Variants in ST18 observed in about 807,000 individuals in gnomAD.
ST18 encodes the protein suppression of tumorigenicity 18 protein.
In ST18, 50 loss-of-function variants were observed where a neutral mutation model predicts 110.0. The observed-to-expected ratio is 0.45, with a 90% CI of 0.36 to 0.58. The LOEUF is 0.58. Among genes scored for constraint, ST18 ranks in the 20% least tolerant of loss-of-function variants. The probability of loss-of-function intolerance (pLI) is 0.00; values close to 1 mark genes in which losing one functional copy is unlikely to be tolerated. For synonymous variants in ST18, 461 were observed against 452.4 expected, an observed-to-expected ratio of 1.02 and a Z score of -0.24; for missense variants, 1,306 against 1,280.1, an observed-to-expected ratio of 1.02 and a Z score of -0.31.
At chr8:52,124,827 C>A (rs1202425394) in intron 23 of ST18, among the ~76,000 whole-genome samples, 1 of 151,100 alleles carries the variant, frequency 6.6e-6, no homozygotes, top group Admixed American at 6.6e-5. Context: ...GCTTTAAATA[C>A]AGCAGATGAA....
Position 52,249,389 on chromosome 8 carries a change from C to G in ST18, c.-464-19312G>C, listed in dbSNP as rs570136969. On this transcript the variant is annotated intron_variant, in intron 2 of 25. Transcript: ENST00000689386. ...CTCCTAGCCTTTGTTCTGCCTCTCA[C>G]GCTGACATCAGGGAAGCAGTGATGT... 3.3e-5 allele frequency: 5 copies of G among 152,590 alleles called. No homozygotes were observed. The East Asian group carries it at 9.7e-4, about 29-fold the overall frequency. The allele number at this position is 152,590 out of a possible 1,614,324, so 9.5% of individuals were successfully genotyped here.
intron 13 of ST18, among the ~76,000 whole-genome samples, chr8:52,163,218 TTCA>T (rs528488956): frequency 1.2e-4 from 18 of 152,314 alleles, no homozygotes; most frequent in African/African-American, 4.3e-4. Context: ...ATTTTGACTC[TTCA>T]TCAAATCTAT....
At chr8:52,121,751 G>A (rs993827825) in intron 23 of ST18, among the ~76,000 whole-genome samples, 1 of 152,170 alleles carries the variant, frequency 6.6e-6, no homozygotes, top group Non-Finnish European at 1.5e-5. Flanking sequence ...AGTAAAAGGT[G>A]TGCCCTGATG....
intron 25 of ST18, among the ~76,000 whole-genome samples, chr8:52,115,484 G>C (rs2042198651): frequency 6.6e-6 from 1 of 152,208 alleles, no homozygotes; most frequent in Non-Finnish European, 1.5e-5. Flanking sequence ...TTATGGTTTA[G>C]ATATGTTTTT....
At chr8:52,368,195 T>C (rs10098576) in intron 2 of ST18, among the ~76,000 whole-genome samples, 119,568 of 152,104 alleles carry the variant, frequency 0.79, 50,367 homozygotes, top group Non-Finnish European at 0.93. Context: ...TCATTAAGCA[T>C]CCCTAACACC....
At chr8:52,389,348 G>T (rs1292380617) in intron 2 of ST18, among the ~76,000 whole-genome samples, 1 of 152,194 alleles carries the variant, frequency 6.6e-6, no homozygotes, top group East Asian at 1.9e-4. Context: ...TGTTTCCCTG[G>T]ACAAGGGATG....
chr8:52,223,139 C>T (rs962781902), intron 3 of ST18, among the ~76,000 whole-genome samples: 7 of 152,168 alleles, frequency 4.6e-5, no homozygotes, highest in African/African-American at 1.7e-4. Context: ...TAATTAGGGA[C>T]TCTCAGTCCT....
chr8:52,158,972 T>C lies in ST18; in HGVS notation c.1732A>G (p.Ile578Val), dbSNP rs764339052. Reference sequence around the variant, plus strand: ...CTGCAGCGGGTGGAAAGGTTCAGGATGGCAGCAGCTGCTGCTATGTGGGTG... The same window carrying C: ...CTGCAGCGGGTGGAAAGGTTCAGGACGGCAGCAGCTGCTGCTATGTGGGTG... ...EDTHIAAAAA[I>V]LNLSTRCREA... The change falls in exon 15 of 26, where the codon ATC becomes GTC. Residue 578 changes from isoleucine to valine, a missense_variant. Coordinates refer to ENST00000689386, the MANE Select transcript of ST18 (RefSeq NM_001352837.2). The C allele has an allele frequency of 1.1e-5, 17 of 1,613,974 alleles. No individual in the cohort carries two copies. The African/African-American group carries it at 2.0e-4, about 19-fold the overall frequency.
chr8:52,356,118 A>G (rs1822635227), intron 2 of ST18, among the ~76,000 whole-genome samples: 1 of 152,140 alleles, frequency 6.6e-6, no homozygotes. Flanking sequence ...AGTTGGATGT[A>G]TGTTCTGAAA....
rs2040566034 is a variant in ST18 at position 52,111,628 on chromosome 8, C to T, written c.*1570G>A. The stretch of plus-strand genomic sequence containing the variant: ...TACATCAAGCCTGTGAATGCCATCA[C>T]TTTCCATCTAAATATCCATGAGGTT... On this transcript the variant is annotated 3_prime_UTR_variant, in exon 26 of 26. Transcript: ENST00000689386. 1 of 152,602 alleles carries T rather than the reference C, an allele frequency of 6.6e-6. No homozygotes were observed. The highest frequency in any genetic ancestry group is 2.4e-5 in the African/African-American group (1 of 41,436). 9.5% of individuals were successfully genotyped at this position (152,602 alleles called of 1,614,324 possible). A position where few individuals can be genotyped will look rare whatever the true frequency, so the allele number is the denominator to read the frequency against.
At chr8:52,152,145 C>T (rs1030662033) in intron 15 of ST18, among the ~76,000 whole-genome samples, 2 of 151,836 alleles carry the variant, frequency 1.3e-5, no homozygotes, top group Non-Finnish European at 2.9e-5. Flanking sequence ...TGGGAGAGAG[C>T]GGGCGGCTCA....
chr8:52,235,399 G>A (rs2092469248), intron 2 of ST18, among the ~76,000 whole-genome samples: 1 of 152,084 alleles, frequency 6.6e-6, no homozygotes, highest in South Asian at 2.1e-4. Context: ...CCTACAGGAA[G>A]GGCAAGGGTG....
intron 2 of ST18, chr8:52,404,510 G>A (rs1451009421): frequency 6.6e-6 from 1 of 152,250 alleles, no homozygotes; most frequent in East Asian, 1.9e-4. Flanking sequence ...GACGGATAAA[G>A]AAGGAAGGAG....
Position 52,180,265 on chromosome 8 carries a change from T to C in ST18, c.134A>G (p.Gln45Arg), listed in dbSNP as rs775774981. The C allele has an allele frequency of 1.9e-6, 3 of 1,614,222 alleles. No individual in the cohort carries two copies. In the South Asian group the frequency reaches 3.3e-5, roughly 18 times the overall value. ...SMAKKRTAED[Q>R]ALGVPVNKRK... ...TTTGTTGACTGGAACCCCCAAAGCC[T>C]GATCTTCAGCTGTTCTCTTCTTTGC... is the stretch of plus-strand genomic sequence containing the variant. The change falls in exon 9 of 26, where the codon CAG becomes CGG. Residue 45 changes from glutamine (Q) to arginine (R), a missense_variant. Transcript: ENST00000689386.
intron 8 of ST18, among the ~76,000 whole-genome samples, chr8:52,193,656 A>G (rs1406970917): frequency 6.6e-6 from 1 of 152,212 alleles, no homozygotes; most frequent in Non-Finnish European, 1.5e-5. Context: ...AGGAGACAGG[A>G]CCCTGGGGAA....
At chr8:52,319,682 G>A (rs1011112574) in intron 2 of ST18, among the ~76,000 whole-genome samples, 3 of 152,064 alleles carry the variant, frequency 2.0e-5, no homozygotes, top group Non-Finnish European at 2.9e-5. Flanking sequence ...TGTGAGACAG[G>A]AATTTAGGAA....
intron 8 of ST18, among the ~76,000 whole-genome samples, chr8:52,205,871 G>T (rs2079843273): frequency 6.6e-6 from 1 of 152,056 alleles, no homozygotes; most frequent in Non-Finnish European, 1.5e-5. Flanking sequence ...CCCGGCCAGT[G>T]GTCTCTTTAT....
rs1039440507 is a variant in ST18 at position 52,220,753 on chromosome 8, C to G, written c.-169G>C. ...AATGTCGCCTTACCTCTCTTTTTCT[C>G]CAGGTAACTTGTATGTCAACTCAGT... On this transcript the variant is annotated 5_prime_UTR_variant, in exon 5 of 26. Transcript: ENST00000689386. The G allele has an allele frequency of 1.7e-4, 26 of 152,144 alleles. No homozygotes were observed. The highest frequency in any genetic ancestry group is 4.6e-4 in the African/African-American group (19 of 41,428). The allele number at this position is 152,144 out of a possible 1,614,324, so 9.4% of individuals were successfully genotyped here.
At chr8:52,139,695 G>C (rs2054136440) in intron 17 of ST18, among the ~76,000 whole-genome samples, 1 of 148,296 alleles carries the variant, frequency 6.7e-6, no homozygotes, top group South Asian at 2.2e-4. Context: ...ATATTGCCAG[G>C]AGAAGCCAAG....
Sources: allele counts gnomAD v4.1 joint callset (sites outside exome capture counted in the v4.1 genomes callset), GRCh38; gene constraint gnomAD v4.1.1; transcripts MANE v1.5; gene names NCBI Gene and HGNC (gene_info 2026-07-23, HGNC 2026-07-21).